The following CDKL5 variants were observed in gnomAD, a reference collection of about 807,000 sequenced individuals.
CDKL5 encodes cyclin-dependent kinase-like 5.
CDKL5 carries 8 observed loss-of-function variants against 61.7 expected under a neutral mutation model. The ratio of observed to expected loss-of-function variants is 0.13; its 90% CI spans 0.08 to 0.23. The LOEUF (loss-of-function observed/expected upper bound fraction) is 0.23, where lower values mean the gene tolerates loss of function less well. Ranked by LOEUF, CDKL5 falls within the 10% of genes least tolerant of loss-of-function variation. The probability of loss-of-function intolerance (pLI) is 1.00; values close to 1 mark genes in which losing one functional copy is unlikely to be tolerated. For synonymous variants in CDKL5, 275 were observed against 272.3 expected (o/e 1.01, Z -0.10); for missense variants, 440 against 734.5 (o/e 0.60, Z 4.63).
At chrX:18,485,347 G>C (rs1321251510) in intron 1 of CDKL5, among the ~76,000 whole-genome samples, 2 of 111,314 alleles carry the variant, frequency 1.8e-5, no homozygotes, top group African/African-American at 6.5e-5. Flanking sequence ...TTTCTGACTA[G>C]TGTCTGCCCT....
At chrX:18,650,126 C>A in intron 20 of CDKL5, 1 of 387,740 alleles carries the variant, frequency 2.6e-6, no homozygotes, top group Non-Finnish European at 4.6e-6. Context: ...TTTGCCATTT[C>A]TTCCCAAATA....
intron 3 of CDKL5, among the ~76,000 whole-genome samples, chrX:18,518,562 G>T (rs1432351964): frequency 9.4e-6 from 1 of 106,517 alleles, no homozygotes; most frequent in Non-Finnish European, 1.9e-5. Context: ...CCGCTACCAT[G>T]CCTGGCTAAT....
chrX:18,640,434 A>ACCCCCCC (rs753767629), downstream of CDKL5: 4 of 49,197 alleles, frequency 8.1e-5, no homozygotes, highest in African/African-American at 7.7e-5. Context: ...AAGTCCCCCC[A>ACCCCCCC]CCCCCCCCCC....
chrX:18,647,397 A>C (rs1927829989), intron 20 of CDKL5: 1 of 1,149,790 alleles, frequency 8.7e-7, no homozygotes, highest in East Asian at 3.0e-5. Context: ...CAGGTGACTG[A>C]AATAACAAAA....
chrX:18,520,454 A>G (rs941542777), intron 3 of CDKL5, among the ~76,000 whole-genome samples: 2 of 112,013 alleles, frequency 1.8e-5, no homozygotes, highest in Non-Finnish European at 3.8e-5. Context: ...TTCGTGTTGT[A>G]TGAATATACC....
intron 3 of CDKL5, among the ~76,000 whole-genome samples, chrX:18,534,520 C>G (rs1923753696): frequency 9.0e-6 from 1 of 111,467 alleles, no homozygotes; most frequent in South Asian, 3.8e-4. Context: ...ATTGTGAGTT[C>G]CACACGTATA....
At chrX:18,450,874 CT>C (rs778243455) in intron 1 of CDKL5, among the ~76,000 whole-genome samples, 274 of 99,001 alleles carry the variant, frequency 2.8e-3, no homozygotes, top group Non-Finnish European at 2.4e-3. Flanking sequence ...TGTGCCCGGC[CT>C]TTTTTTTTTT....
intron 1 of CDKL5, among the ~76,000 whole-genome samples, chrX:18,445,115 TTGC>T (rs1206129630): frequency 1.9e-5 from 2 of 105,541 alleles, no homozygotes; most frequent in Non-Finnish European, 3.9e-5. Flanking sequence ...CCTTGCTCTG[TTGC>T]CTAGGCTGGA....
In CDKL5 at chrX:18,507,103, A is replaced by T. The variant is rs138539908; in HGVS notation, c.7A>T (p.Ile3Phe). The change falls in exon 2 of 18, where the codon ATT (isoleucine) becomes TTT (phenylalanine). Residue 3 changes from isoleucine (I) to phenylalanine (F), a missense_variant. By Grantham distance (21) the Ile-to-Phe change is conservative. Transcript: ENST00000623535. MK[I>F]PNIGNVMNKF... ...AAAAGAGGAGTTTGTCTTCATGAAG[A>T]TTCCTAACATTGGTAATGTGATGAA... 9.2e-6 allele frequency: 11 copies of T among 1,194,152 alleles called. No individual in the cohort carries two copies. The highest frequency in any genetic ancestry group is 3.0e-5 in the East Asian group (1 of 33,649).
Position 18,639,680 on chromosome X carries a change from A to G in CDKL5, c.*10923A>G, listed in dbSNP as rs983208866. ...AAGATAAATGAAAACACACATCCGC[A>G]CAAAAACTTATACACAAATGTTCAT... On this transcript the variant is annotated 3_prime_UTR_variant, in exon 18 of 18. Transcript: ENST00000623535. Among the ~76,000 whole-genome samples the G allele has an allele frequency of 1.8e-5, 2 of 112,436 alleles. No individual in the cohort carries two copies. Among genetic ancestry groups the G allele is most frequent in the Admixed American group, 1.9e-4 (2 of 10,633 alleles).
chrX:18,534,401 A>G (rs755921398), intron 3 of CDKL5, among the ~76,000 whole-genome samples: 1 of 111,727 alleles, frequency 9.0e-6, no homozygotes, highest in Admixed American at 9.5e-5. Flanking sequence ...TGTATCTTAA[A>G]CTGGATTTCT....
chrX:18,473,688 A>G (rs1303281541), intron 1 of CDKL5, among the ~76,000 whole-genome samples: 3 of 109,270 alleles, frequency 2.7e-5, no homozygotes, highest in African/African-American at 1.0e-4. Flanking sequence ...CTTTTACATG[A>G]AAGATAAAAA....
At chrX:18,649,083 T>A (rs912010613) in intron 20 of CDKL5, among the ~76,000 whole-genome samples, 30 of 109,562 alleles carry the variant, frequency 2.7e-4, no homozygotes, top group Non-Finnish European at 1.9e-5. Context: ...ACCTTAGCCT[T>A]GATAACCTTA....
chrX:18,601,761 A>G (rs1926186015), intron 11 of CDKL5, among the ~76,000 whole-genome samples: 2 of 112,156 alleles, frequency 1.8e-5, no homozygotes, highest in South Asian at 3.7e-4. Context: ...TGTTCTTTCT[A>G]AGATCCACAT....
At chrX:18,535,335 C>T (rs1923783843) in intron 3 of CDKL5, 1 of 113,382 alleles carries the variant, frequency 8.8e-6, no homozygotes. Context: ...TTCCCCCACT[C>T]TTGTACCTGA....
In CDKL5 at chrX:18,633,500, C is replaced by G; in HGVS notation, c.*4743C>G. ...CAGAAACCAAACTTGTAAGCAGTTA[C>G]AATTTCTTCCTTTTGCTTCTTGACC... On this transcript the variant is annotated 3_prime_UTR_variant, in exon 18 of 18. Coordinates refer to ENST00000623535, the MANE Select transcript of CDKL5 (RefSeq NM_001323289.2). 1 of 754,327 alleles carries G rather than the reference C, an allele frequency of 1.3e-6. No individual in the cohort carries two copies. The highest frequency in any genetic ancestry group is 1.6e-6 in the Non-Finnish European group (1 of 639,197). 62.2% of individuals were successfully genotyped at this position (754,327 alleles called of 1,213,427 possible).
At chrX:18,574,541 C>T (rs1925232546) in intron 4 of CDKL5, among the ~76,000 whole-genome samples, 2 of 111,437 alleles carry the variant, frequency 1.8e-5, no homozygotes, top group African/African-American at 6.5e-5. Context: ...TTCATCACTC[C>T]CCTGCCAATT....
At chrX:18,648,100 G>T (rs989328140) in intron 20 of CDKL5, among the ~76,000 whole-genome samples, 6 of 111,289 alleles carry the variant, frequency 5.4e-5, no homozygotes, top group African/African-American at 2.0e-4. Context: ...TACTCGGGAG[G>T]CTGAGGCAGG....
At chrX:18,513,703 C>T (rs1922906314) in intron 3 of CDKL5, among the ~76,000 whole-genome samples, 1 of 111,445 alleles carries the variant, frequency 9.0e-6, no homozygotes, top group South Asian at 3.7e-4. Flanking sequence ...TTAGAATCTG[C>T]AGCTGTTTAG....
Sources: allele counts gnomAD v4.1 joint callset (sites outside exome capture counted in the v4.1 genomes callset), GRCh38; gene constraint gnomAD v4.1.1; transcripts MANE v1.5; gene names NCBI Gene and HGNC (gene_info 2026-07-23, HGNC 2026-07-21).